SERINC3: variants seen among roughly 807,000 people sequenced by gnomAD.
SERINC3 encodes tumor differentially expressed protein 1.
A neutral mutation model predicts 52.1 loss-of-function variants in SERINC3; 22 were observed. That is an observed-to-expected ratio of 0.42 (90% confidence interval 0.30 to 0.60). The LOEUF is 0.60. SERINC3 is among the 20% of genes least tolerant of loss of function. The pLI is 0.16. For missense variants in SERINC3, 564 were observed against 584.6 expected (o/e 0.96, Z 0.36); for synonymous variants, 226 against 212.7 (o/e 1.06, Z -0.54).
rs1032286796 is a variant in SERINC3, at chr20:44,501,415, A to G, written c.1056-115T>C. The G allele has an allele frequency of 2.1e-5, 16 of 777,546 alleles. No homozygotes were observed. In the Admixed American group the frequency reaches 2.6e-4, roughly 13 times the overall value. 48.2% of individuals were successfully genotyped at this position (777,546 alleles called of 1,614,324 possible). A position where few individuals can be genotyped will look rare whatever the true frequency, so the allele number is the denominator to read the frequency against. ...AGCTGTTCCTACTTTGGAGACTGAAAGCTTTCTGAAGATCCTGCTTAAAGT... is the reference window on the plus strand; with the variant it reads ...AGCTGTTCCTACTTTGGAGACTGAAGGCTTTCTGAAGATCCTGCTTAAAGT... On this transcript the variant is annotated intron_variant, in intron 8 of 9. Coordinates refer to ENST00000342374, the MANE Select transcript of SERINC3 (RefSeq NM_006811.4).
intron 5 of SERINC3, 93 bp from the exon 6 acceptor site, chr20:44,507,089 C>A: frequency 1.1e-6 from 1 of 908,940 alleles, no homozygotes; most frequent in Non-Finnish European, 1.5e-6. Context: ...AATGAGGAGA[C>A]ATTATGTCAC....
At chr20:44,509,779 C>T (rs2064335753) in intron 5 of SERINC3, 112 bp downstream of exon 5, 2 of 1,162,136 alleles carry the variant, frequency 1.7e-6, no homozygotes, top group Non-Finnish European at 2.5e-6. Flanking sequence ...ATTCTCCCAC[C>T]TTGGACTTCT....
chr20:44,514,617 C>T (rs1356274572), intron 1 of SERINC3, among the ~76,000 whole-genome samples: 2 of 152,010 alleles, frequency 1.3e-5, no homozygotes, highest in Non-Finnish European at 2.9e-5. Context: ...AAAAATTAGC[C>T]GGGTGTGGTG....
rs773286690 is a variant in SERINC3 at position 44,500,289 on chromosome 20, C to CA, written c.*6dup. Reference sequence around the variant, plus strand: ...GAGTTCCAGTGGTGTCCTTGGCACTCAGAGGTTCAGCTGAAGTCCCGACTG... The same window carrying CA: ...GAGTTCCAGTGGTGTCCTTGGCACTCAAGAGGTTCAGCTGAAGTCCCGACTG... On this transcript the variant is annotated 3_prime_UTR_variant, in exon 10 of 10. Transcript: ENST00000342374. 6.2e-7 allele frequency: 1 copy of CA among 1,610,812 alleles called. No individual in the cohort carries two copies. The highest frequency in any genetic ancestry group is 8.5e-7 in the Non-Finnish European group (1 of 1,178,434).
At chr20:44,511,058 C>T (rs45487093) in intron 4 of SERINC3, among the ~76,000 whole-genome samples, 3 of 151,874 alleles carry the variant, frequency 2.0e-5, no homozygotes, top group South Asian at 2.1e-4. Flanking sequence ...GAATCACAGG[C>T]GTGCACCACC....
intron 2 of SERINC3, 51 bp downstream of exon 2, chr20:44,513,828 G>A (rs142561684): frequency 2.1e-6 from 3 of 1,427,358 alleles, no homozygotes; most frequent in Non-Finnish European, 1.9e-6. Context: ...GAATTTTGCA[G>A]AATATAAAAA....
intron 1 of SERINC3, among the ~76,000 whole-genome samples, chr20:44,518,103 A>G (rs919676676): frequency 2.0e-5 from 3 of 152,110 alleles, no homozygotes; most frequent in African/African-American, 4.8e-5. Context: ...CCAAGCCACA[A>G]CTATCATCTC....
chr20:44,511,438 G>T, intron 3 of SERINC3, 70 bp from the exon 4 acceptor site: 1 of 962,704 alleles, frequency 1.0e-6, no homozygotes, highest in Non-Finnish European at 1.6e-6. Context: ...ATTCATTTCT[G>T]AAATGCAAAA....
rs1440528393 is a variant in SERINC3, at chr20:44,512,927, T to C, written c.269A>G (p.Asp90Gly). 1.3e-6 allele frequency: 2 copies of C among 1,556,116 alleles called. No individual in the cohort carries two copies. Among genetic ancestry groups the C allele is most frequent in the Non-Finnish European group, 8.6e-7 (1 of 1,160,340 alleles). The change falls in exon 3 of 10, where the codon GAT (aspartate) becomes GGT (glycine). Residue 90 changes from aspartate (D) to glycine (G), a missense_variant. Coordinates refer to ENST00000342374, the MANE Select transcript of SERINC3 (RefSeq NM_006811.4). The part of the protein sequence containing the change: ...EADINADKDC[D>G]VLVGYKAVYR... ...CACAGCTTTATAACCAACCAGCACA[T>C]CACAATCTTTATCTGCATTTATATC...
downstream of SERINC3, among the ~76,000 whole-genome samples, chr20:44,496,532 G>A (rs926352749): frequency 6.6e-6 from 1 of 152,170 alleles, no homozygotes; most frequent in East Asian, 1.9e-4. Flanking sequence ...AGTGGCTCCC[G>A]CCTGTAATCC....
rs1600817094 is a variant in SERINC3, at chr20:44,514,003, C to A, written c.77G>T (p.Cys26Phe). 1 of 1,614,114 alleles carries A rather than the reference C, an allele frequency of 6.2e-7. No homozygotes were observed. Among genetic ancestry groups the A allele is most frequent in the Non-Finnish European group, 8.5e-7 (1 of 1,179,996 alleles). ...ATTCTTACTGTTAGGACAGCAACTA[C>A]ACAGCAAACATGAGGCACCGCTGCA... ...CLCSGASCLL[C>F]SCCPNSKNST... Residue 26 changes from cysteine to phenylalanine, a missense_variant, in exon 2 of 10, where the codon TGT becomes TTT. Coordinates refer to ENST00000342374, the MANE Select transcript of SERINC3 (RefSeq NM_006811.4).
chr20:44,511,766 T>G (rs2064349134), intron 3 of SERINC3, among the ~76,000 whole-genome samples: 1 of 152,222 alleles, frequency 6.6e-6, no homozygotes, highest in Non-Finnish European at 1.5e-5. Context: ...CACAGATACC[T>G]TGCCCACAAT....
Position 44,506,953 on chromosome 20 carries a change from G to A in SERINC3, c.657C>T (p.Ile219=), listed in dbSNP as rs200749563. ...FTSAFYILSI[I]CVGLLYTYYT... is the part of the protein sequence containing the mutation. The stretch of plus-strand genomic sequence containing the variant: ...AATATGTATAGAGCAGCCCGACACA[G>A]ATGATTGACAGGATATAAAAGGCGC... Residue 219 remains isoleucine, a synonymous_variant, in exon 6 of 10, where the codon ATC becomes ATT. Coordinates refer to ENST00000342374, the MANE Select transcript of SERINC3 (RefSeq NM_006811.4). The A allele has an allele frequency of 1.9e-6, 3 of 1,608,102 alleles. No homozygotes were observed. The highest frequency in any genetic ancestry group is 4.5e-5 in the East Asian group (2 of 44,796).
chr20:44,504,256 A>G (rs760480803), intron 7 of SERINC3, among the ~76,000 whole-genome samples: 5 of 152,230 alleles, frequency 3.3e-5, no homozygotes, highest in African/African-American at 7.2e-5. Context: ...TAGTTTGACA[A>G]ATCTTTTTAA....
chr20:44,508,364 G>C (rs2064327807), intron 5 of SERINC3, among the ~76,000 whole-genome samples: 1 of 151,974 alleles, frequency 6.6e-6, no homozygotes, highest in African/African-American at 2.4e-5. Flanking sequence ...GTGTGGGTGT[G>C]GTGGTGTGCA....
Position 44,511,325 on chromosome 20 carries a change from C to T in SERINC3, c.439G>A (p.Gly147Ser). Residue 147 changes from glycine (G) to serine (S), a missense_variant, in exon 4 of 10, where the codon GGC becomes AGC. Transcript: ENST00000342374. ...TAGCCCCCAGGGATGTAGAAAGAGC[C>T]AACCATGATTCCAATAAGGGCAGCA... The part of the protein sequence containing the change: ...KIAALIGIMV[G>S]SFYIPGGYFS... The T allele has an allele frequency of 6.2e-7, 1 of 1,613,328 alleles. No individual in the cohort carries two copies. Among genetic ancestry groups the T allele is most frequent in the Non-Finnish European group, 8.5e-7 (1 of 1,179,358 alleles).
At position 44,499,189 on chromosome 20, in the gene SERINC3, G is replaced by A. The variant is rs988211909; in HGVS notation, c.*1107C>T. On this transcript the variant is annotated 3_prime_UTR_variant, in exon 10 of 10. Coordinates refer to ENST00000342374, the MANE Select transcript of SERINC3 (RefSeq NM_006811.4). ...CCCAAAACCTACAGGGTCTAGTACA[G>A]AATAGACAGTAAATCTTTGTTGAAA... The A allele has an allele frequency of 6.6e-6, 1 of 152,336 alleles. No individual in the cohort carries two copies. The highest frequency in any genetic ancestry group is 2.4e-5 in the African/African-American group (1 of 41,450). The allele number at this position is 152,336 out of a possible 1,614,324, so 9.4% of individuals were successfully genotyped here.
chr20:44,500,340 T>G lies in SERINC3; in HGVS notation c.1378A>C (p.Thr460Pro). The G allele has an allele frequency of 6.2e-7, 1 of 1,610,426 alleles. No individual in the cohort carries two copies. The highest frequency in any genetic ancestry group is 8.5e-7 in the Non-Finnish European group (1 of 1,178,588). The change falls in exon 10 of 10, where the codon ACC becomes CCC. Residue 460 changes from threonine (T) to proline (P), a missense_variant. Transcript: ENST00000342374. ...SWVCLLLYVW[T>P]LVAPLVLTSR... is the part of the protein sequence containing the mutation. Reference sequence around the variant, plus strand: ...GTGAGGACAAGTGGAGCCACAAGGGTCCAGACGTAAAGCAGGAGGCAGACC... The same window carrying G: ...GTGAGGACAAGTGGAGCCACAAGGGGCCAGACGTAAAGCAGGAGGCAGACC...
Position 44,499,981 on chromosome 20 carries a change from A to C in SERINC3, c.*315T>G, listed in dbSNP as rs1410823747. ...CAAATATCCAACATTTTCCTATCTT[A>C]CATTTTAAACCAAAGTTAAAAGAAC... On this transcript the variant is annotated 3_prime_UTR_variant, in exon 10 of 10. Coordinates refer to ENST00000342374, the MANE Select transcript of SERINC3 (RefSeq NM_006811.4). The C allele has an allele frequency of 5.2e-6, 1 of 191,438 alleles. No homozygotes were observed. The highest frequency in any genetic ancestry group is 1.1e-5 in the Non-Finnish European group (1 of 94,398). 11.9% of individuals were successfully genotyped at this position (191,438 alleles called of 1,614,324 possible). A position where few individuals can be genotyped will look rare whatever the true frequency, so the allele number is the denominator to read the frequency against.
Sources: allele counts gnomAD v4.1 joint callset (sites outside exome capture counted in the v4.1 genomes callset), GRCh38; gene constraint gnomAD v4.1.1; transcripts MANE v1.5; gene names NCBI Gene and HGNC (gene_info 2026-07-23, HGNC 2026-07-21).